Variants in COL9A1 observed in about 807,000 individuals in gnomAD.
COL9A1 encodes collagen alpha-1(IX) chain.
A neutral mutation model predicts 142.6 loss-of-function variants in COL9A1; 104 were observed. That is an observed-to-expected ratio of 0.73 (90% CI 0.62 to 0.86). The LOEUF (loss-of-function observed/expected upper bound fraction) is 0.86, where lower values mean the gene tolerates loss of function less well. Among genes scored for constraint, COL9A1 ranks in the 40% least tolerant of loss-of-function variants. The probability of loss-of-function intolerance (pLI) is 0.00; values close to 1 mark genes in which losing one functional copy is unlikely to be tolerated. For synonymous variants in COL9A1, 466 were observed against 396.0 expected (o/e 1.18, Z -2.10); for missense variants, 1,210 against 1,176.6 (o/e 1.03, Z -0.42).
At chr6:70,285,239 A>G (rs1451878884) in intron 5 of COL9A1, among the ~76,000 whole-genome samples, 1 of 152,254 alleles carries the variant, frequency 6.6e-6, no homozygotes, top group Non-Finnish European at 1.5e-5. Context: ...ATCTGTGAAT[A>G]CAGGCTGGGT....
At chr6:70,279,969 T>C in intron 10 of COL9A1, 1 of 686,746 alleles carries the variant, frequency 1.5e-6, no homozygotes, top group Non-Finnish European at 2.7e-6. Flanking sequence ...CAGACGCCAT[T>C]TCTTACTTCA....
chr6:70,241,408 A>G lies in COL9A1; in HGVS notation c.2034+11T>C. On this transcript the variant is annotated intron_variant, in intron 31 of 37. Transcript: ENST00000357250. ...CATTGCATTTTATACCAATTAAATAATAAGACTGACCTGTTCACCCTTTGG... is the reference window on the plus strand; with the variant it reads ...CATTGCATTTTATACCAATTAAATAGTAAGACTGACCTGTTCACCCTTTGG... 6.2e-7 allele frequency: 1 copy of G among 1,606,796 alleles called. No homozygotes were observed. Among genetic ancestry groups the G allele is most frequent in the Admixed American group, 1.7e-5 (1 of 60,020 alleles).
chr6:70,268,053 T>G (rs1240263477), intron 17 of COL9A1, among the ~76,000 whole-genome samples: 1 of 152,232 alleles, frequency 6.6e-6, no homozygotes, highest in Non-Finnish European at 1.5e-5. Context: ...TGGAAAACTT[T>G]CAAGTAATTA....
At chr6:70,270,268 C>A in intron 15 of COL9A1, 46 bp downstream of exon 15, 1 of 1,580,600 alleles carries the variant, frequency 6.3e-7, no homozygotes, top group Non-Finnish European at 8.7e-7. Flanking sequence ...TTTTTTCAAC[C>A]CTGACTCTCA....
intron 3 of COL9A1, 48 bp from the exon 4 acceptor site, chr6:70,300,223 T>A: frequency 6.2e-7 from 1 of 1,612,536 alleles, no homozygotes; most frequent in Non-Finnish European, 8.5e-7. Context: ...AGATTGGTTT[T>A]ATTTCTTTCC....
At chr6:70,288,269 C>A (rs1773529860) in intron 5 of COL9A1, among the ~76,000 whole-genome samples, 1 of 152,132 alleles carries the variant, frequency 6.6e-6, no homozygotes, top group African/African-American at 2.4e-5. Context: ...ACTCCAAATC[C>A]TGTTTTCCTT....
intron 28 of COL9A1, among the ~76,000 whole-genome samples, chr6:70,245,390 CT>C (rs1236208061): frequency 6.6e-6 from 1 of 152,202 alleles, no homozygotes; most frequent in African/African-American, 2.4e-5. Flanking sequence ...TCGCCAAGGT[CT>C]GATTGTAAAA....
intron 28 of COL9A1, among the ~76,000 whole-genome samples, chr6:70,251,362 T>C (rs1770930139): frequency 2.0e-5 from 3 of 151,958 alleles, no homozygotes; most frequent in African/African-American, 7.3e-5. Context: ...CTGGTCAACA[T>C]AGCAAGACCC....
At chr6:70,268,915 A>T in intron 16 of COL9A1, 55 bp from the exon 17 acceptor site, 10 of 1,481,190 alleles carry the variant, frequency 6.8e-6, no homozygotes, top group Non-Finnish European at 9.4e-6. Flanking sequence ...TGCATAAACT[A>T]GGACTCCCGC....
chr6:70,260,951 C>T, intron 19 of COL9A1: 1 of 430,614 alleles, frequency 2.3e-6, no homozygotes, highest in East Asian at 4.0e-5. Context: ...GACAAAATCA[C>T]TTATGACAAA....
At chr6:70,299,098 G>A (rs913646410) in intron 4 of COL9A1, among the ~76,000 whole-genome samples, 1 of 152,074 alleles carries the variant, frequency 6.6e-6, no homozygotes, top group Non-Finnish European at 1.5e-5. Context: ...TATAGAAAGA[G>A]CTCATATAAT....
intron 37 of COL9A1, among the ~76,000 whole-genome samples, chr6:70,218,718 G>A (rs1768687450): frequency 7.3e-6 from 1 of 137,756 alleles, no homozygotes; most frequent in Admixed American, 7.5e-5. Context: ...TGGTCTTACT[G>A]TAGTAATATG....
chr6:70,280,848 T>G lies in COL9A1; in HGVS notation c.939A>C (p.Pro313=). Residue 313 remains proline, a synonymous_variant, in exon 10 of 38, where the codon CCA becomes CCC. Coordinates refer to ENST00000357250, the MANE Select transcript of COL9A1 (RefSeq NM_001851.6). ...GTGTGCCAGGCTTGCCTGGAGCTCCTGGCTTTCCCGGTTCACCTGCAGGAC... is the reference window on the plus strand; with the variant it reads ...GTGTGCCAGGCTTGCCTGGAGCTCCGGGCTTTCCCGGTTCACCTGCAGGAC... The part of the protein sequence containing the change: ...PPGPAGEPGK[P]GAPGKPGTPG... The G allele has an allele frequency of 6.2e-7, 1 of 1,613,444 alleles. No homozygotes were observed. Among genetic ancestry groups the G allele is most frequent in the South Asian group, 1.1e-5 (1 of 90,976 alleles).
At chr6:70,267,326 T>C (rs1772081484) in intron 17 of COL9A1, among the ~76,000 whole-genome samples, 1 of 133,042 alleles carries the variant, frequency 7.5e-6, no homozygotes, top group East Asian at 2.0e-4. Flanking sequence ...TTGGTTTTTT[T>C]GTTTTTTTTT....
Position 70,274,778 on chromosome 6 carries a change from A to G in COL9A1, c.976-6T>C. ...CCATCAGGTCCTGTTAATCCCTAAT[A>G]GAGCAAGACAATGATGTTAGAACTA... On this transcript the variant is annotated splice_region_variant and splice_polypyrimidine_tract_variant and intron_variant, in intron 10 of 37. Transcript: ENST00000357250. The G allele has an allele frequency of 2.5e-6, 4 of 1,611,014 alleles. No homozygotes were observed. Among genetic ancestry groups the G allele is most frequent in the Non-Finnish European group, 3.4e-6 (4 of 1,177,392 alleles).
rs557157592 is a variant in COL9A1, at chr6:70,240,692, T to A, written c.2076A>T (p.Glu692Asp). Residue 692 changes from glutamate to aspartate, a missense_variant, in exon 32 of 38, where the codon GAA becomes GAT. By Grantham distance (45) the Glu-to-Asp change is conservative. Transcript: ENST00000357250. ...GEEGEAGERG[E>D]LGDIGLPGPK... ...AACCAGAAAAAAAAAATCTTACAAG[T>A]TCCCCCCTTTCTCCTGCTTCACCTT... The A allele has an allele frequency of 5.0e-6, 8 of 1,611,736 alleles. No individual in the cohort carries two copies. The highest frequency in any genetic ancestry group is 4.5e-5 in the East Asian group (2 of 44,794).
chr6:70,219,474 A>G (rs898864158), intron 37 of COL9A1, among the ~76,000 whole-genome samples: 2 of 152,258 alleles, frequency 1.3e-5, no homozygotes, highest in African/African-American at 4.8e-5. Flanking sequence ...CCCATAGCCA[A>G]ATAATCTGAT....
At chr6:70,243,685 G>A (rs991912926) in intron 28 of COL9A1, among the ~76,000 whole-genome samples, 1 of 152,072 alleles carries the variant, frequency 6.6e-6, no homozygotes, top group Non-Finnish European at 1.5e-5. Flanking sequence ...ATGCCACCAC[G>A]CCTGGCTGAT....
intron 32 of COL9A1, among the ~76,000 whole-genome samples, chr6:70,239,896 C>T (rs966050825): frequency 9.2e-5 from 14 of 152,132 alleles, no homozygotes; most frequent in African/African-American, 3.4e-4. Context: ...GAATAATCCT[C>T]TTATGAATTT....
Sources: allele counts gnomAD v4.1 joint callset (sites outside exome capture counted in the v4.1 genomes callset), GRCh38; gene constraint gnomAD v4.1.1; transcripts MANE v1.5; gene names NCBI Gene and HGNC (gene_info 2026-07-23, HGNC 2026-07-21).